Variants in SYNJ2 observed in about 807,000 individuals in gnomAD.
SYNJ2 encodes the protein synaptojanin 2, also known as polyphosphatidylinositol phosphatase SYNJ2.
Under a neutral mutation model 141.3 loss-of-function variants are expected in SYNJ2, and 116 were observed. The ratio of observed to expected loss-of-function variants is 0.82; its 90% CI spans 0.71 to 0.96. SYNJ2 has a LOEUF of 0.96. SYNJ2 is among the 40% of genes least tolerant of loss of function. SYNJ2 has a pLI of 0.00. For synonymous variants in SYNJ2, 745 were observed against 777.7 expected, an observed-to-expected ratio of 0.96 and a Z score of 0.70; for missense variants, 1,873 against 1,934.8, an observed-to-expected ratio of 0.97 and a Z score of 0.60.
At chr6:158,086,262 A>T (rs1783029417) in intron 22 of SYNJ2, among the ~76,000 whole-genome samples, 1 of 152,056 alleles carries the variant, frequency 6.6e-6, no homozygotes, top group African/African-American at 2.4e-5. Flanking sequence ...TTGATCTGTA[A>T]GGAAGCAGGA....
At chr6:158,033,396 G>T in intron 3 of SYNJ2, 59 bp from the exon 4 acceptor site, 1 of 1,576,338 alleles carries the variant, frequency 6.3e-7, no homozygotes, top group South Asian at 1.1e-5. Flanking sequence ...TCGCTGTCCA[G>T]GCAGCATGTA....
At chr6:158,060,634 G>A (rs533359962) in intron 7 of SYNJ2, among the ~76,000 whole-genome samples, 1 of 152,206 alleles carries the variant, frequency 6.6e-6, no homozygotes, top group Non-Finnish European at 1.5e-5. Context: ...GTTGCTATTA[G>A]CAACGAGCTC....
At chr6:158,078,438 C>A in intron 18 of SYNJ2, 157 bp downstream of exon 18, 1 of 545,214 alleles carries the variant, frequency 1.8e-6, no homozygotes, top group Non-Finnish European at 3.3e-6. Context: ...AATGATGGAA[C>A]AAATATCTGT....
chr6:158,076,836 C>T (rs559102696), intron 17 of SYNJ2, 54 bp downstream of exon 17: 11 of 1,552,990 alleles, frequency 7.1e-6, no homozygotes, highest in Middle Eastern at 2.2e-4. Flanking sequence ...AGAAATGCGA[C>T]GGAGGGAGAG....
intron 1 of SYNJ2, among the ~76,000 whole-genome samples, chr6:158,013,369 A>C (rs1455296607): frequency 2.6e-5 from 4 of 152,148 alleles, no homozygotes; most frequent in Non-Finnish European, 5.9e-5. Flanking sequence ...CAACACAGCG[A>C]GACTGTCAAA....
At chr6:157,989,536 C>T (rs1241058055) in intron 1 of SYNJ2, among the ~76,000 whole-genome samples, 2 of 148,664 alleles carry the variant, frequency 1.3e-5, no homozygotes, top group Non-Finnish European at 1.5e-5. Flanking sequence ...CACTTTTGAT[C>T]GAGGAGGTTC....
chr6:158,096,269 G>T lies in SYNJ2; in HGVS notation c.4396G>T (p.Asp1466Tyr). 1 of 1,614,224 alleles carries T rather than the reference G, an allele frequency of 6.2e-7. No individual in the cohort carries two copies. Among genetic ancestry groups the T allele is most frequent in the South Asian group, 1.1e-5 (1 of 91,080 alleles). The change falls in exon 27 of 27, where the codon GAT becomes TAT. Residue 1466 changes from aspartate to tyrosine, a missense_variant. Asp to Tyr is a radical substitution (Grantham distance 160). Transcript: ENST00000355585. ...ASAAKAELPP[D>Y]HEHKTLGHWV... ...AGCTGCCAAGGCAGAGCTGCCACCA[G>T]ATCATGAACACAAAACCTTAGGTCA...
rs1781882875 is a variant in SYNJ2, at chr6:158,070,953, C to A, written c.1941-649C>A. 6.6e-6 allele frequency among the ~76,000 whole-genome samples: 1 copy of A among 152,156 alleles called. No individual in the cohort carries two copies. Among genetic ancestry groups the A allele is most frequent in the South Asian group, 2.1e-4 (1 of 4,822 alleles). On this transcript the variant is annotated intron_variant, in intron 14 of 26. Coordinates refer to ENST00000355585, the MANE Select transcript of SYNJ2 (RefSeq NM_003898.4). The surrounding 1 kb of genome is among the most constrained non-coding windows in gnomAD (Gnocchi z 4.0). ...ATCCCAGCACTTTGGGAGGCCAAGG[C>A]AGGCAGATCACTTGAGGTGAGGAGT...
chr6:158,016,849 G>A (rs1206791484), intron 1 of SYNJ2, among the ~76,000 whole-genome samples: 4 of 152,142 alleles, frequency 2.6e-5, no homozygotes, highest in African/African-American at 7.2e-5. Context: ...TCTCCAGGAT[G>A]TAGCCTCTAG....
At chr6:158,010,763 C>T (rs1287815584) in intron 1 of SYNJ2, among the ~76,000 whole-genome samples, 1 of 152,078 alleles carries the variant, frequency 6.6e-6, no homozygotes, top group East Asian at 1.9e-4. Flanking sequence ...AGAAGATGTA[C>T]ATGTGACAAT....
At position 157,982,290 on chromosome 6, in the gene SYNJ2, G is replaced by T. The variant is rs1014270452; in HGVS notation, c.127+202G>T. Among the ~76,000 whole-genome samples, 7 of 152,290 alleles carry T rather than the reference G, an allele frequency of 4.6e-5. No homozygotes were observed. The highest frequency in any genetic ancestry group is 1.7e-4 in the African/African-American group (7 of 41,568). On this transcript the variant is annotated intron_variant, in intron 1 of 26. Transcript: ENST00000355585. The surrounding 1 kb of genome is among the most constrained non-coding windows in gnomAD (Gnocchi z 4.0). Reference sequence around the variant, plus strand: ...AGAGCACTCTGGCTGGGCCGGTGGCGCACGGAGGCCGGCCGCCCCTCCACG... The same window carrying T: ...AGAGCACTCTGGCTGGGCCGGTGGCTCACGGAGGCCGGCCGCCCCTCCACG...
rs372165447 is a variant in SYNJ2 at position 158,089,881 on chromosome 6, C to A, written c.3499C>A (p.Gln1167Lys). 9 of 1,614,064 alleles carry A rather than the reference C, an allele frequency of 5.6e-6. No individual in the cohort carries two copies. The African/African-American group carries it at 1.2e-4, about 22-fold the overall frequency. ...AATAAGTAAACCTTATAATGTCAAG[C>A]AGATCAAAACCACCAATGCCCAGGA... ...TGISKPYNVK[Q>K]IKTTNAQEAE... The change falls in exon 25 of 27, where the codon CAG becomes AAG. Residue 1167 changes from glutamine to lysine, a missense_variant. Coordinates refer to ENST00000355585, the MANE Select transcript of SYNJ2 (RefSeq NM_003898.4).
chr6:158,098,349 T>C lies in SYNJ2; in HGVS notation c.*1985T>C, dbSNP rs1484886760. On this transcript the variant is annotated 3_prime_UTR_variant, in exon 27 of 27. Coordinates refer to ENST00000355585, the MANE Select transcript of SYNJ2 (RefSeq NM_003898.4). Reference sequence around the variant, plus strand: ...TTAAAATATGTGCTCATCTCCTAAGTAGCTCTTCAGAGTCTGACCGTAAGT... The same window carrying C: ...TTAAAATATGTGCTCATCTCCTAAGCAGCTCTTCAGAGTCTGACCGTAAGT... The C allele has an allele frequency of 6.6e-6, 1 of 152,206 alleles. No individual in the cohort carries two copies. Among genetic ancestry groups the C allele is most frequent in the Non-Finnish European group, 1.5e-5 (1 of 68,042 alleles). The allele number at this position is 152,206 out of a possible 1,614,324, so 9.4% of individuals were successfully genotyped here. A position where few individuals can be genotyped will look rare whatever the true frequency, so the allele number is the denominator to read the frequency against.
intron 5 of SYNJ2, among the ~76,000 whole-genome samples, chr6:158,050,007 T>C (rs1015529734): frequency 1.3e-5 from 2 of 151,530 alleles, no homozygotes; most frequent in Non-Finnish European, 2.9e-5. Context: ...TCTGCAGGTA[T>C]GGACACAGCT....
At position 158,095,862 on chromosome 6, in the gene SYNJ2, C is replaced by T; in HGVS notation, c.3989C>T (p.Pro1330Leu). Residue 1330 changes from proline (P) to leucine (L), a missense_variant, in exon 27 of 27, where the codon CCC becomes CTC. Transcript: ENST00000355585. ...CCTCTGGAGGCGCCGCCTCTTGTGCCCAAGGTACCCCCGAGGAGGAAGAAG... is the reference window on the plus strand; with the variant it reads ...CCTCTGGAGGCGCCGCCTCTTGTGCTCAAGGTACCCCCGAGGAGGAAGAAG... ...PPPLEAPPLV[P>L]KVPPRRKKSA... 1 of 1,614,144 alleles carries T rather than the reference C, an allele frequency of 6.2e-7. No individual in the cohort carries two copies. Among genetic ancestry groups the T allele is most frequent in the Non-Finnish European group, 8.5e-7 (1 of 1,180,002 alleles).
intron 1 of SYNJ2, among the ~76,000 whole-genome samples, chr6:157,986,428 G>T (rs557822384): frequency 1.5e-3 from 231 of 152,328 alleles, no homozygotes; most frequent in African/African-American, 5.2e-3. Context: ...CCACCTCCCA[G>T]GTTCAAGGGA....
chr6:158,064,508 T>C, intron 9 of SYNJ2, 93 bp from the exon 10 acceptor site: 1 of 1,501,726 alleles, frequency 6.7e-7, no homozygotes, highest in South Asian at 1.2e-5. Context: ...CACAGCGTAA[T>C]CCACAGGCTG....
At chr6:157,993,059 G>A (rs1777509925) in intron 1 of SYNJ2, among the ~76,000 whole-genome samples, 1 of 152,146 alleles carries the variant, frequency 6.6e-6, no homozygotes, top group Non-Finnish European at 1.5e-5. Context: ...AGTACATATA[G>A]TACATAACAT....
chr6:157,982,059 T>G lies in SYNJ2; in HGVS notation c.98T>G (p.Leu33Arg). The change falls in exon 1 of 27, where the codon CTG (leucine) becomes CGG (arginine). Residue 33 changes from leucine (L) to arginine (R), a missense_variant. Transcript: ENST00000355585. The surrounding 1 kb of genome is among the most constrained non-coding windows in gnomAD (Gnocchi z 4.0). ...LEARGRDDCLLFEAGTVATLA... is the reference protein window; with the variant it reads ...LEARGRDDCLRFEAGTVATLA... ...GCGCGCGGCCGCGACGACTGCCTGC[T>G]GTTCGAGGCCGGCACGGTGGCCACG... is the stretch of plus-strand genomic sequence containing the variant. 7.5e-7 allele frequency: 1 copy of G among 1,336,532 alleles called. No homozygotes were observed. The highest frequency in any genetic ancestry group is 9.6e-7 in the Non-Finnish European group (1 of 1,045,720). 82.8% of individuals were successfully genotyped at this position (1,336,532 alleles called of 1,614,324 possible). A position where few individuals can be genotyped will look rare whatever the true frequency, so the allele number is the denominator to read the frequency against.
Sources: allele counts gnomAD v4.1 joint callset (sites outside exome capture counted in the v4.1 genomes callset), GRCh38; gene constraint gnomAD v4.1.1; non-coding constraint Gnocchi (gnomAD v3.1); transcripts MANE v1.5; gene names NCBI Gene and HGNC (gene_info 2026-07-23, HGNC 2026-07-21).